Variants in DENND1A observed in about 807,000 individuals in gnomAD.
DENND1A encodes the protein DENN domain containing 1A.
Under a neutral mutation model 113.7 loss-of-function variants are expected in DENND1A, and 51 were observed. The ratio of observed to expected loss-of-function variants is 0.45; its 90% CI spans 0.36 to 0.57. The LOEUF is 0.57. Among genes scored for constraint, DENND1A ranks in the 20% least tolerant of loss-of-function variants. The pLI, the probability that DENND1A is intolerant of heterozygous loss-of-function variation, is 0.00. For synonymous variants in DENND1A, 565 were observed against 570.8 expected, an observed-to-expected ratio of 0.99 and a Z score of 0.14; for missense variants, 1,258 against 1,395.9, an observed-to-expected ratio of 0.90 and a Z score of 1.57.
intron 13 of DENND1A, among the ~76,000 whole-genome samples, chr9:123,463,153 G>C (rs532401905): frequency 6.6e-6 from 1 of 152,294 alleles, no homozygotes; most frequent in South Asian, 2.1e-4. Flanking sequence ...TTAATTCAGG[G>C]AATTCAGGCC....
intron 5 of DENND1A, among the ~76,000 whole-genome samples, chr9:123,744,149 A>G (rs1301133071): frequency 6.6e-6 from 1 of 152,254 alleles, no homozygotes; most frequent in Non-Finnish European, 1.5e-5. Context: ...ACTTCATTAA[A>G]GAGAATTAAA....
At chr9:123,694,656 T>C (rs141322756) in intron 5 of DENND1A, among the ~76,000 whole-genome samples, 14 of 152,340 alleles carry the variant, frequency 9.2e-5, no homozygotes, top group African/African-American at 3.4e-4. Flanking sequence ...CTGTTTTCAA[T>C]ATCTAGAATT....
At chr9:123,396,492 G>A (rs758996555) in intron 21 of DENND1A, among the ~76,000 whole-genome samples, 4 of 152,280 alleles carry the variant, frequency 2.6e-5, no homozygotes, top group South Asian at 2.1e-4. Flanking sequence ...GGGCAAGGCC[G>A]TTGAACGTGC....
At chr9:123,537,009 T>A (rs1264819669) in intron 13 of DENND1A, among the ~76,000 whole-genome samples, 1 of 151,254 alleles carries the variant, frequency 6.6e-6, no homozygotes, top group African/African-American at 2.4e-5. Flanking sequence ...ATAAGAAAAA[T>A]AAAAAGAGAC....
chr9:123,904,755 G>C (rs1852434315), intron 1 of DENND1A, among the ~76,000 whole-genome samples: 1 of 151,622 alleles, frequency 6.6e-6, no homozygotes, highest in South Asian at 2.1e-4. Flanking sequence ...AAAGTGATGG[G>C]GAGAATGGAA....
intron 9 of DENND1A, among the ~76,000 whole-genome samples, chr9:123,651,724 G>T (rs760694784): frequency 6.6e-6 from 1 of 152,154 alleles, no homozygotes; most frequent in Non-Finnish European, 1.5e-5. Context: ...ATGAAATATG[G>T]TGTAGACATT....
At chr9:123,690,466 G>A (rs1475267550) in intron 5 of DENND1A, among the ~76,000 whole-genome samples, 1 of 152,028 alleles carries the variant, frequency 6.6e-6, no homozygotes, top group Non-Finnish European at 1.5e-5. Flanking sequence ...CTATCAAAAT[G>A]ATGGAATATT....
intron 5 of DENND1A, among the ~76,000 whole-genome samples, chr9:123,711,515 A>ATATATATATATATATGTATATATG (rs2066618066): frequency 6.6e-5 from 2 of 30,528 alleles, no homozygotes; most frequent in East Asian, 1.8e-3. Context: ...GTATATATGT[A>ATATATATATATATATGTATATATG]TATATATATA....
At chr9:123,540,285 T>C (rs554822988) in intron 13 of DENND1A, among the ~76,000 whole-genome samples, 1 of 152,278 alleles carries the variant, frequency 6.6e-6, no homozygotes, top group South Asian at 2.1e-4. Flanking sequence ...TTCTTCCCAT[T>C]TTACAGATGA....
In DENND1A at chr9:123,551,107, C is replaced by T. The variant is rs144873820; in HGVS notation, c.993+6463G>A. On this transcript the variant is annotated intron_variant, in intron 13 of 23. Coordinates refer to ENST00000394215, the MANE Select transcript of DENND1A (RefSeq NM_001352964.2). ...CTGCTGGTAGCTCTGTCATTTAAGT[C>T]GAGAAGGACAAGTTGGTTTGACTGA... Among the ~76,000 whole-genome samples the T allele has an allele frequency of 2.5e-3, 375 of 152,278 alleles. 5 individuals are homozygous for T. The highest frequency in any genetic ancestry group is 8.6e-3 in the African/African-American group (356 of 41,564).
chr9:123,539,409 A>C (rs1027898415), intron 13 of DENND1A, among the ~76,000 whole-genome samples: 1 of 152,210 alleles, frequency 6.6e-6, no homozygotes, highest in South Asian at 2.1e-4. Context: ...ATATATTTTT[A>C]AAACAGAAAA....
chr9:123,730,640 G>A (rs1326980479), intron 5 of DENND1A, among the ~76,000 whole-genome samples: 1 of 152,132 alleles, frequency 6.6e-6, no homozygotes, highest in African/African-American at 2.4e-5. Flanking sequence ...AAGTAGGAAC[G>A]CTTTTACTCT....
intron 2 of DENND1A, among the ~76,000 whole-genome samples, chr9:123,793,696 C>T (rs1365193339): frequency 6.6e-6 from 1 of 152,116 alleles, no homozygotes; most frequent in Non-Finnish European, 1.5e-5. Context: ...CAGTCCATTT[C>T]TTCAGTGAAT....
chr9:123,901,200 G>C (rs1851563392), intron 1 of DENND1A, among the ~76,000 whole-genome samples: 3 of 152,182 alleles, frequency 2.0e-5, no homozygotes, highest in African/African-American at 2.4e-5. Flanking sequence ...TGGACTGGAA[G>C]AGTCAAAGTG....
At chr9:123,910,029 G>A (rs1853676773) in intron 1 of DENND1A, among the ~76,000 whole-genome samples, 1 of 152,058 alleles carries the variant, frequency 6.6e-6, no homozygotes, top group Non-Finnish European at 1.5e-5. Flanking sequence ...AAAAAAAATT[G>A]AAGATATGTA....
rs57945902 is a variant in DENND1A at position 123,422,508 on chromosome 9, GTT to G, written c.1489-10681_1489-10680del. ...GATAGTCAGGTTCACCAGACAGAAG[GTT>G]TTTTTTTTTTTTCCTTCCCTCAGAA... On this transcript the variant is annotated intron_variant, in intron 19 of 23. Coordinates refer to ENST00000394215, the MANE Select transcript of DENND1A (RefSeq NM_001352964.2). The surrounding 1 kb of genome is among the most constrained non-coding windows in gnomAD (Gnocchi z 4.8). Among the ~76,000 whole-genome samples, 15 of 146,294 alleles carry G rather than the reference GTT, an allele frequency of 1.0e-4. No homozygotes were observed. The highest frequency in any genetic ancestry group is 2.5e-4 in the African/African-American group (10 of 40,162).
At chr9:123,436,867 C>A (rs1164942944) in intron 19 of DENND1A, among the ~76,000 whole-genome samples, 2 of 152,130 alleles carry the variant, frequency 1.3e-5, no homozygotes, top group African/African-American at 2.4e-5. Context: ...CATGCCTCAC[C>A]CTTCCGAGCA....
intron 11 of DENND1A, among the ~76,000 whole-genome samples, chr9:123,602,028 G>A (rs895441135): frequency 6.6e-6 from 1 of 152,220 alleles, no homozygotes; most frequent in Non-Finnish European, 1.5e-5. Flanking sequence ...GGGAGGGTAC[G>A]CAGATCAGAG....
chr9:123,581,728 T>C (rs1216663540), intron 12 of DENND1A, among the ~76,000 whole-genome samples: 1 of 152,122 alleles, frequency 6.6e-6, no homozygotes, highest in African/African-American at 2.4e-5. Context: ...CTGGCAGTGA[T>C]GGTGCACCAA....
Sources: allele counts gnomAD v4.1 joint callset (sites outside exome capture counted in the v4.1 genomes callset), GRCh38; gene constraint gnomAD v4.1.1; non-coding constraint Gnocchi (gnomAD v3.1); transcripts MANE v1.5; gene names NCBI Gene and HGNC (gene_info 2026-07-23, HGNC 2026-07-21).